Variants in FNDC3B observed in about 807,000 individuals in gnomAD.
The protein encoded by FNDC3B is fibronectin type III domain containing 3B, also known as fibronectin type III domain-containing protein 3B.
FNDC3B carries 12 observed loss-of-function variants against 151.5 expected under a neutral mutation model. The observed-to-expected ratio is 0.08, with a 90% confidence interval of 0.05 to 0.13. FNDC3B has a LOEUF of 0.13. Ranked by LOEUF, FNDC3B falls within the 10% of genes least tolerant of loss-of-function variation. The probability of loss-of-function intolerance (pLI) is 1.00; values close to 1 mark genes in which losing one functional copy is unlikely to be tolerated. For missense variants in FNDC3B, 1,214 were observed against 1,505.3 expected (o/e 0.81, Z 3.20); for synonymous variants, 528 against 549.0 (o/e 0.96, Z 0.54).
chr3:172,051,153 G>A (rs1239533001), intron 1 of FNDC3B, among the ~76,000 whole-genome samples: 3 of 148,090 alleles, frequency 2.0e-5, no homozygotes, highest in African/African-American at 5.0e-5. Context: ...GCGCGATCTC[G>A]GCTCACCGCA....
intron 22 of FNDC3B, among the ~76,000 whole-genome samples, chr3:172,361,181 C>G (rs1446541362): frequency 6.6e-6 from 1 of 152,184 alleles, no homozygotes; most frequent in African/African-American, 2.4e-5. Flanking sequence ...TAGTACCAGG[C>G]TCCCTTTTAA....
Position 172,125,686 on chromosome 3 carries a change from T to C in FNDC3B, c.112-7785T>C, listed in dbSNP as rs375103880. On this transcript the variant is annotated intron_variant, in intron 2 of 25. Transcript: ENST00000415807. The stretch of plus-strand genomic sequence containing the variant: ...GGTTTTTCATTCTGAGTTTACAGAG[T>C]AATGCCAGAATAAAAGAAACAAAGT... 7.8e-4 allele frequency among the ~76,000 whole-genome samples: 118 copies of C among 152,230 alleles called. 1 individual carries two copies. In the South Asian group the frequency reaches 0.023, roughly 30 times the overall value.
intron 17 of FNDC3B, among the ~76,000 whole-genome samples, chr3:172,341,747 T>A (rs908120149): frequency 6.6e-6 from 1 of 152,222 alleles, no homozygotes. Flanking sequence ...TGAAGTTGTG[T>A]GGTACCCAAC....
chr3:172,212,340 A>G (rs1725772011), intron 3 of FNDC3B, among the ~76,000 whole-genome samples: 1 of 152,252 alleles, frequency 6.6e-6, no homozygotes, highest in South Asian at 2.1e-4. Flanking sequence ...ATGTGCTTCA[A>G]GGATCTTGAA....
intron 23 of FNDC3B, among the ~76,000 whole-genome samples, chr3:172,377,231 C>T (rs903611005): frequency 1.3e-5 from 2 of 152,298 alleles, no homozygotes; most frequent in East Asian, 1.9e-4. Context: ...TGACGAAGCC[C>T]TGGAAATGTA....
At chr3:172,347,673 T>A (rs1429312083) in intron 21 of FNDC3B, among the ~76,000 whole-genome samples, 1 of 152,234 alleles carries the variant, frequency 6.6e-6, no homozygotes, top group Non-Finnish European at 1.5e-5. Context: ...ACACAGCTCC[T>A]TAGGGAAGGA....
Position 172,040,117 on chromosome 3 carries a change from C to A in FNDC3B, c.-29+346C>A, listed in dbSNP as rs1553865199. Among the ~76,000 whole-genome samples, 1 of 152,204 alleles carries A rather than the reference C, an allele frequency of 6.6e-6. No individual in the cohort carries two copies. The highest frequency in any genetic ancestry group is 1.5e-5 in the Non-Finnish European group (1 of 68,014). ...GTGGCTCGCGGCCTCCCCCCACCCCCAGCCTTCCCAGCAGATTTTGTCCGA... is the reference window on the plus strand; with the variant it reads ...GTGGCTCGCGGCCTCCCCCCACCCCAAGCCTTCCCAGCAGATTTTGTCCGA... On this transcript the variant is annotated intron_variant, in intron 1 of 25. Transcript: ENST00000415807. This position sits in a 1 kb window ranked among gnomAD's most constrained non-coding sequence, Gnocchi z 6.6.
At chr3:172,329,104 T>G (rs9850175) in intron 12 of FNDC3B, 28 bp downstream of exon 12, 6 of 1,591,222 alleles carry the variant, frequency 3.8e-6, no homozygotes, top group Non-Finnish European at 5.2e-6. Context: ...CCTCTTGCCC[T>G]TCAGCCTTTG....
intron 3 of FNDC3B, among the ~76,000 whole-genome samples, chr3:172,151,443 G>A (rs1402759094): frequency 6.6e-6 from 1 of 151,718 alleles, no homozygotes; most frequent in Non-Finnish European, 1.5e-5. Flanking sequence ...CCGTCTCCCC[G>A]ACTCCACTCC....
intron 2 of FNDC3B, among the ~76,000 whole-genome samples, chr3:172,130,363 G>A (rs1721011667): frequency 1.3e-5 from 2 of 152,148 alleles, no homozygotes; most frequent in East Asian, 1.9e-4. Flanking sequence ...GAGGTAACTT[G>A]GTAGATTATA....
chr3:172,362,777 C>T lies in FNDC3B; in HGVS notation c.2940C>T (p.Asp980=). ...GPQSLKLKWG[D]SNSKTHAAED... Reference sequence around the variant, plus strand: ...AGAGCCTGAAGCTAAAATGGGGAGACAGTAACTCCAAGACACATGCTGCTG... The same window carrying T: ...AGAGCCTGAAGCTAAAATGGGGAGATAGTAACTCCAAGACACATGCTGCTG... The change falls in exon 23 of 26, where the codon GAC becomes GAT. Residue 980 remains aspartate, a synonymous_variant. Transcript: ENST00000415807. The T allele has an allele frequency of 6.2e-7, 1 of 1,614,064 alleles. No homozygotes were observed. Among genetic ancestry groups the T allele is most frequent in the Non-Finnish European group, 8.5e-7 (1 of 1,180,010 alleles).
intron 3 of FNDC3B, among the ~76,000 whole-genome samples, chr3:172,136,003 G>A (rs1296647519): frequency 1.3e-5 from 2 of 152,222 alleles, no homozygotes; most frequent in Non-Finnish European, 2.9e-5. Flanking sequence ...GCTGTGCTAT[G>A]CATTCTTTCC....
intron 25 of FNDC3B, among the ~76,000 whole-genome samples, chr3:172,382,331 T>C (rs1735492478): frequency 6.6e-6 from 1 of 152,240 alleles, no homozygotes; most frequent in Non-Finnish European, 1.5e-5. Context: ...TTTTTTCTTG[T>C]AAATTTGTGT....
At chr3:172,339,560 C>T (rs1413071662) in intron 16 of FNDC3B, among the ~76,000 whole-genome samples, 3 of 152,056 alleles carry the variant, frequency 2.0e-5, no homozygotes, top group East Asian at 3.9e-4. Flanking sequence ...AAGACTCTGT[C>T]TCGGAAGAAA....
chr3:172,323,384 A>T (rs1466467030), intron 11 of FNDC3B, among the ~76,000 whole-genome samples: 1 of 152,056 alleles, frequency 6.6e-6, no homozygotes, highest in Non-Finnish European at 1.5e-5. Flanking sequence ...GTGGTGGTGC[A>T]TGCCTATAAT....
chr3:172,385,547 C>T (rs1735666425), intron 25 of FNDC3B, among the ~76,000 whole-genome samples: 1 of 151,300 alleles, frequency 6.6e-6, no homozygotes, highest in Non-Finnish European at 1.5e-5. Context: ...TATCCTTTTC[C>T]CCCAAGACCT....
intron 1 of FNDC3B, among the ~76,000 whole-genome samples, chr3:172,077,501 A>G (rs1718069988): frequency 6.6e-6 from 1 of 152,334 alleles, no homozygotes; most frequent in East Asian, 1.9e-4. Flanking sequence ...TCTGAACTAC[A>G]TAAATATCAA....
chr3:172,204,969 A>G (rs970936917), intron 3 of FNDC3B, among the ~76,000 whole-genome samples: 2 of 152,122 alleles, frequency 1.3e-5, no homozygotes, highest in African/African-American at 4.8e-5. Flanking sequence ...GAACAGCTTC[A>G]CTCGGCATTG....
At chr3:172,291,581 A>T (rs1441020173) in intron 7 of FNDC3B, among the ~76,000 whole-genome samples, 1 of 152,142 alleles carries the variant, frequency 6.6e-6, no homozygotes, top group Admixed American at 6.5e-5. Flanking sequence ...CTAGTAACCT[A>T]TACAACAGAC....
Sources: allele counts gnomAD v4.1 joint callset (sites outside exome capture counted in the v4.1 genomes callset), GRCh38; gene constraint gnomAD v4.1.1; non-coding constraint Gnocchi (gnomAD v3.1); transcripts MANE v1.5; gene names NCBI Gene and HGNC (gene_info 2026-07-23, HGNC 2026-07-21).